The following KCNIP4 variants were observed in gnomAD, a reference collection of about 807,000 sequenced individuals.
The protein encoded by KCNIP4 is potassium voltage-gated channel interacting protein 4.
KCNIP4 carries 12 observed loss-of-function variants against 34.0 expected under a neutral mutation model. The observed-to-expected ratio is 0.35, with a 90% CI of 0.23 to 0.57. KCNIP4 has a LOEUF of 0.57. KCNIP4 is among the 20% of genes least tolerant of loss of function. KCNIP4 has a pLI of 0.83. For missense variants in KCNIP4, 238 were observed against 311.7 expected, an observed-to-expected ratio of 0.76 and a Z score of 1.78; for synonymous variants, 124 against 102.2, an observed-to-expected ratio of 1.21 and a Z score of -1.29.
chr4:21,934,946 C>T (rs1156825409), intron 1 of KCNIP4, among the ~76,000 whole-genome samples: 2 of 152,116 alleles, frequency 1.3e-5, no homozygotes, highest in East Asian at 1.9e-4. Flanking sequence ...GAACTCAATG[C>T]TTTTGACCCT....
At chr4:21,514,937 TCTTA>T (rs1171411916) in intron 1 of KCNIP4, among the ~76,000 whole-genome samples, 1 of 152,192 alleles carries the variant, frequency 6.6e-6, no homozygotes, top group Non-Finnish European at 1.5e-5. Flanking sequence ...ATTCATACTT[TCTTA>T]CTTCTATCCT....
chr4:20,757,576 AT>A (rs955209556), intron 4 of KCNIP4, among the ~76,000 whole-genome samples: 6 of 152,216 alleles, frequency 3.9e-5, no homozygotes, highest in Admixed American at 3.9e-4. Context: ...GCAAATGCCC[AT>A]CTTCAGTTCT....
intron 1 of KCNIP4, among the ~76,000 whole-genome samples, chr4:21,095,657 G>C (rs1206776098): frequency 1.3e-5 from 2 of 152,102 alleles, no homozygotes; most frequent in African/African-American, 4.8e-5. Flanking sequence ...TTCTAAGTTT[G>C]AGAAGTGTTT....
chr4:21,632,370 T>G (rs1374082943), intron 1 of KCNIP4, among the ~76,000 whole-genome samples: 1 of 148,480 alleles, frequency 6.7e-6, no homozygotes, highest in East Asian at 2.0e-4. Flanking sequence ...CGAGCCACCA[T>G]GCCTGGCTAA....
intron 1 of KCNIP4, among the ~76,000 whole-genome samples, chr4:21,821,948 G>C (rs997097081): frequency 3.3e-5 from 5 of 152,016 alleles, no homozygotes; most frequent in Non-Finnish European, 5.9e-5. Flanking sequence ...TTTTCCATAG[G>C]AGAAGCATGT....
intron 1 of KCNIP4, among the ~76,000 whole-genome samples, chr4:21,155,096 C>T (rs1342180723): frequency 1.3e-5 from 2 of 152,102 alleles, no homozygotes; most frequent in African/African-American, 4.8e-5. Context: ...GCCTGTGAGT[C>T]CTAATTTACT....
chr4:21,613,434 A>G (rs1744320384), intron 1 of KCNIP4: 1 of 152,352 alleles, frequency 6.6e-6, no homozygotes, highest in Non-Finnish European at 1.5e-5. Context: ...CCAACTGGCC[A>G]TATAAATGAA....
chr4:20,934,748 T>C (rs1730871632), intron 1 of KCNIP4, among the ~76,000 whole-genome samples: 1 of 152,196 alleles, frequency 6.6e-6, no homozygotes, highest in African/African-American at 2.4e-5. Flanking sequence ...CTAAGTGCTA[T>C]GTAGAAAAAT....
At chr4:21,277,848 T>C (rs764212801) in intron 1 of KCNIP4, among the ~76,000 whole-genome samples, 1 of 152,162 alleles carries the variant, frequency 6.6e-6, no homozygotes, top group Non-Finnish European at 1.5e-5. Context: ...AAATCCATAC[T>C]GAGGCACATT....
At position 21,147,254 on chromosome 4, in the gene KCNIP4, C is replaced by G. The variant is rs115910289; in HGVS notation, c.62-264545G>C. Among the ~76,000 whole-genome samples, 1,300 of 152,150 alleles carry G rather than the reference C, an allele frequency of 8.5e-3. 14 individuals are homozygous for G. The highest frequency in any genetic ancestry group is 0.015 in the Non-Finnish European group (1,010 of 68,004). ...ACCTATCTACCCGATGCCCCCACCC[C>G]CAAACCTGGGTTCCAATAACTTCCC... is the stretch of plus-strand genomic sequence containing the variant. On this transcript the variant is annotated intron_variant, in intron 1 of 8. Transcript: ENST00000382152.
At chr4:21,231,197 C>T (rs954139542) in intron 1 of KCNIP4, among the ~76,000 whole-genome samples, 1 of 152,116 alleles carries the variant, frequency 6.6e-6, no homozygotes, top group Non-Finnish European at 1.5e-5. Context: ...GCTGATTTTG[C>T]ACAAATTGGA....
intron 1 of KCNIP4, among the ~76,000 whole-genome samples, chr4:21,566,498 C>A (rs1739899744): frequency 6.6e-6 from 1 of 152,042 alleles, no homozygotes; most frequent in South Asian, 2.1e-4. Flanking sequence ...CTGCTCCACC[C>A]ATGTAAGACA....
chr4:21,307,758 T>A (rs887294895), intron 1 of KCNIP4, among the ~76,000 whole-genome samples: 5 of 125,692 alleles, frequency 4.0e-5, no homozygotes, highest in Non-Finnish European at 7.0e-5. Flanking sequence ...ATTTCCATAC[T>A]TTTTTTTTAG....
In KCNIP4 at chr4:21,716,541, C is replaced by T. The variant is rs114936323; in HGVS notation, c.61+232030G>A. Among the ~76,000 whole-genome samples the T allele has an allele frequency of 9.0e-3, 1,364 of 151,962 alleles. 22 individuals carry two copies. The highest frequency in any genetic ancestry group is 0.031 in the African/African-American group (1,297 of 41,446). ...GGGAGCCACTGCCACCGTGCTGGGC[C>T]GGTAGTCTTTAGTTTCTGAGAAGAG... is the stretch of plus-strand genomic sequence containing the variant. On this transcript the variant is annotated intron_variant, in intron 1 of 8. Coordinates refer to ENST00000382152, the MANE Select transcript of KCNIP4 (RefSeq NM_025221.6).
chr4:21,073,707 CT>C (rs2109004027), intron 1 of KCNIP4, among the ~76,000 whole-genome samples: 1 of 152,218 alleles, frequency 6.6e-6, no homozygotes, highest in South Asian at 2.1e-4. Context: ...GCGTCCCTGT[CT>C]TGCGCCAGTT....
At chr4:21,138,025 T>A (rs1751646636) in intron 1 of KCNIP4, among the ~76,000 whole-genome samples, 1 of 151,870 alleles carries the variant, frequency 6.6e-6, no homozygotes, top group Non-Finnish European at 1.5e-5. Context: ...GCACATGCCA[T>A]CACACTCGGC....
At chr4:21,810,573 C>T (rs752462900) in intron 1 of KCNIP4, among the ~76,000 whole-genome samples, 1 of 151,954 alleles carries the variant, frequency 6.6e-6, no homozygotes, top group Non-Finnish European at 1.5e-5. Context: ...ACCTGTAATC[C>T]CAGCTACTCA....
intron 1 of KCNIP4, among the ~76,000 whole-genome samples, chr4:21,787,764 G>A (rs1328787056): frequency 6.6e-6 from 1 of 152,022 alleles, no homozygotes; most frequent in Non-Finnish European, 1.5e-5. Flanking sequence ...TTAAAAATCT[G>A]CATTTTTGCC....
chr4:21,810,822 C>T (rs188899250), intron 1 of KCNIP4, among the ~76,000 whole-genome samples: 28 of 151,768 alleles, frequency 1.8e-4, no homozygotes, highest in Middle Eastern at 3.4e-3. Flanking sequence ...CAAAGAGAGG[C>T]AATGGATTCC....
Sources: gnomAD v4.1 joint callset for allele counts (sites outside exome capture counted in the v4.1 genomes callset) on GRCh38, gnomAD v4.1.1 for gene constraint, MANE v1.5 for transcripts, NCBI Gene and HGNC (gene_info 2026-07-23, HGNC 2026-07-21) for gene names.